Variants in DNM3 observed in about 807,000 individuals in gnomAD.
DNM3 encodes the protein dynamin 3.
In DNM3, 47 loss-of-function variants were observed where a neutral mutation model predicts 101.6. That is an observed-to-expected ratio of 0.46 (90% CI 0.37 to 0.59). The LOEUF (loss-of-function observed/expected upper bound fraction) is 0.59. Among genes scored for constraint, DNM3 ranks in the 20% least tolerant of loss-of-function variants. The pLI is 0.00. For missense variants in DNM3, 849 were observed against 1,085.7 expected (o/e 0.78, Z 3.06); for synonymous variants, 385 against 387.9 (o/e 0.99, Z 0.09).
At chr1:172,305,450 G>A (rs2064752353) in intron 15 of DNM3, among the ~76,000 whole-genome samples, 1 of 152,120 alleles carries the variant, frequency 6.6e-6, no homozygotes, top group Non-Finnish European at 1.5e-5. Context: ...TTCTACCAGA[G>A]GTACAAGGAG....
intron 17 of DNM3, among the ~76,000 whole-genome samples, chr1:172,369,355 C>A (rs1007957521): frequency 6.6e-6 from 1 of 151,888 alleles, no homozygotes; most frequent in African/African-American, 2.4e-5. Context: ...ATCACATCAA[C>A]AGAATGAAGG....
chr1:172,109,971 A>G (rs1336190268), intron 13 of DNM3, among the ~76,000 whole-genome samples: 1 of 152,200 alleles, frequency 6.6e-6, no homozygotes. Flanking sequence ...GAAATTACAA[A>G]CAAGTCAAAC....
chr1:172,077,725 T>G (rs1181235275), intron 11 of DNM3, among the ~76,000 whole-genome samples: 1 of 151,530 alleles, frequency 6.6e-6, no homozygotes, highest in East Asian at 1.9e-4. Flanking sequence ...TGTATTTATG[T>G]GGTCAGTTTT....
At chr1:171,879,911 G>A (rs1037595930) in intron 1 of DNM3, among the ~76,000 whole-genome samples, 22 of 152,202 alleles carry the variant, frequency 1.4e-4, no homozygotes, top group African/African-American at 5.1e-4. Context: ...CTTCTCTTCC[G>A]CTTAACTCTG....
In DNM3 at chr1:172,048,301, C is replaced by T. The variant is rs115078280; in HGVS notation, c.1197-311C>T. ...TAGTGTATAAAAAGTGAAGCTCACT[C>T]GCTGCTCCACAAAGGGCAAGGAATT... is the stretch of plus-strand genomic sequence containing the variant. On this transcript the variant is annotated intron_variant, in intron 9 of 20. Transcript: ENST00000627582. 6.1e-3 allele frequency among the ~76,000 whole-genome samples: 931 copies of T among 152,228 alleles called. 11 individuals are homozygous for T. The highest frequency in any genetic ancestry group is 0.021 in the African/African-American group (882 of 41,520).
intron 2 of DNM3, among the ~76,000 whole-genome samples, chr1:171,983,434 A>G (rs756067202): frequency 1.0e-5 from 1 of 98,922 alleles, no homozygotes; most frequent in Non-Finnish European, 2.1e-5. Context: ...CAAGTTGCCA[A>G]ATTCTAAGAT....
chr1:172,072,357 C>T (rs2052266458), intron 11 of DNM3, among the ~76,000 whole-genome samples: 4 of 152,088 alleles, frequency 2.6e-5, no homozygotes, highest in Admixed American at 2.0e-4. Flanking sequence ...ACCTAATAGC[C>T]CCCATGCCTT....
intron 2 of DNM3, among the ~76,000 whole-genome samples, chr1:171,953,913 A>G (rs2042690931): frequency 6.6e-6 from 1 of 152,116 alleles, no homozygotes; most frequent in South Asian, 2.1e-4. Context: ...GGGATGTGGG[A>G]TTTAGTTTCC....
At chr1:172,319,142 T>C (rs1049932508) in intron 16 of DNM3, among the ~76,000 whole-genome samples, 1 of 151,950 alleles carries the variant, frequency 6.6e-6, no homozygotes, top group Non-Finnish European at 1.5e-5. Flanking sequence ...TGAGGAAAGG[T>C]TTCCCTATTT....
chr1:172,008,244 A>G (rs2046831638), intron 4 of DNM3, among the ~76,000 whole-genome samples: 1 of 151,548 alleles, frequency 6.6e-6, no homozygotes, highest in Non-Finnish European at 1.5e-5. Flanking sequence ...TGTTGCCTGT[A>G]CTTTCTTATT....
intron 2 of DNM3, among the ~76,000 whole-genome samples, chr1:171,968,307 A>C (rs1048849041): frequency 6.6e-6 from 1 of 152,142 alleles, no homozygotes; most frequent in Admixed American, 6.6e-5. Flanking sequence ...AAATTACAAC[A>C]AATTTAGCTT....
chr1:172,105,770 C>T (rs1572530903), intron 13 of DNM3, among the ~76,000 whole-genome samples: 5 of 152,024 alleles, frequency 3.3e-5, no homozygotes, highest in African/African-American at 1.2e-4. Context: ...TGTTTTCCCC[C>T]TTAACTTAGG....
At chr1:172,248,192 C>A (rs1240952841) in intron 14 of DNM3, among the ~76,000 whole-genome samples, 2 of 152,100 alleles carry the variant, frequency 1.3e-5, no homozygotes, top group African/African-American at 4.8e-5. Flanking sequence ...CTTCATCTAA[C>A]AAACTGTATG....
chr1:172,352,833 C>A (rs2067258465), intron 17 of DNM3, among the ~76,000 whole-genome samples: 2 of 152,098 alleles, frequency 1.3e-5, no homozygotes, highest in African/African-American at 4.8e-5. Flanking sequence ...CCCTCTGAAT[C>A]CTGAGTGATC....
intron 2 of DNM3, among the ~76,000 whole-genome samples, chr1:171,985,166 A>T (rs1254854418): frequency 6.6e-6 from 1 of 152,186 alleles, no homozygotes; most frequent in Non-Finnish European, 1.5e-5. Context: ...GAACTCTATG[A>T]CAGAACAGTT....
At chr1:172,054,068 A>G (rs934771063) in intron 10 of DNM3, among the ~76,000 whole-genome samples, 1 of 152,212 alleles carries the variant, frequency 6.6e-6, no homozygotes, top group Admixed American at 6.5e-5. Flanking sequence ...TTCCAGCTAT[A>G]TTGTAATTAT....
At chr1:172,196,833 A>C (rs2059967883) in intron 14 of DNM3, among the ~76,000 whole-genome samples, 1 of 152,112 alleles carries the variant, frequency 6.6e-6, no homozygotes, top group Non-Finnish European at 1.5e-5. Context: ...ATAGTTTGCA[A>C]ATATTTTCTC....
rs989173526 is a variant in DNM3 at position 171,917,772 on chromosome 1, G to T, written c.162-3976G>T. 1.2e-4 allele frequency among the ~76,000 whole-genome samples: 19 copies of T among 152,218 alleles called. No individual in the cohort carries two copies. In the East Asian group the frequency reaches 3.5e-3, roughly 28 times the overall value. ...ATTTTCTTTTTATATAGATATATTA[G>T]AAAATAAATTTAAAAATATGTAGTC... On this transcript the variant is annotated intron_variant, in intron 1 of 20. Transcript: ENST00000627582.
intron 9 of DNM3, among the ~76,000 whole-genome samples, chr1:172,047,480 A>G (rs1474670577): frequency 1.3e-5 from 2 of 152,238 alleles, no homozygotes; most frequent in African/African-American, 4.8e-5. Context: ...GCAAAGACAT[A>G]CAATATAAGC....
Sources: gnomAD v4.1 joint callset for allele counts (sites outside exome capture counted in the v4.1 genomes callset) on GRCh38, gnomAD v4.1.1 for gene constraint, MANE v1.5 for transcripts, NCBI Gene and HGNC (gene_info 2026-07-23, HGNC 2026-07-21) for gene names.